ZBTB40: variants seen among roughly 807,000 people sequenced by gnomAD.
ZBTB40 encodes zinc finger and BTB domain-containing protein 40.
ZBTB40 carries 60 observed loss-of-function variants against 117.5 expected under a neutral mutation model. The observed-to-expected ratio is 0.51, with a 90% CI of 0.41 to 0.63. The LOEUF (loss-of-function observed/expected upper bound fraction) is 0.63. ZBTB40 is among the 30% of genes least tolerant of loss of function. ZBTB40 has a pLI of 0.00. For missense variants in ZBTB40, 1,287 were observed against 1,498.5 expected (o/e 0.86, Z 2.33); for synonymous variants, 525 against 577.1 (o/e 0.91, Z 1.29).
In ZBTB40 at chr1:22,530,773, CA is replaced by C. The variant is rs1323414376; in HGVS notation, c.*4378del. ...GTTCTGGGCCAGTGTCAGACGGGGA[CA>C]GGGGTGATAGGCCTGGTGTCCTAGG... On this transcript the variant is annotated 3_prime_UTR_variant, in exon 18 of 18. Transcript: ENST00000375647. 1 of 152,268 alleles carries C rather than the reference CA, an allele frequency of 6.6e-6. No homozygotes were observed. Among genetic ancestry groups the C allele is most frequent in the Admixed American group, 6.5e-5 (1 of 15,284 alleles). 9.4% of individuals were successfully genotyped at this position (152,268 alleles called of 1,614,324 possible).
chr1:22,462,238 C>T lies in ZBTB40; in HGVS notation c.-70+10234C>T, dbSNP rs1023820947. Reference sequence around the variant, plus strand: ...AGTTTGGGCAGTATCACTCAGTGGTCAAAGTTTCGGCTCTAGAGTCAGACA... The same window carrying T: ...AGTTTGGGCAGTATCACTCAGTGGTTAAAGTTTCGGCTCTAGAGTCAGACA... On this transcript the variant is annotated intron_variant, in intron 1 of 17. Coordinates refer to ENST00000375647, the MANE Select transcript of ZBTB40 (RefSeq NM_014870.4). Among the ~76,000 whole-genome samples, 25 of 152,320 alleles carry T rather than the reference C, an allele frequency of 1.6e-4. 1 individual carries two copies. In the South Asian group the frequency reaches 2.7e-3, roughly 16 times the overall value.
rs766539288 is a variant in ZBTB40 at position 22,489,912 on chromosome 1, G to C, written c.-37G>C. On this transcript the variant is annotated 5_prime_UTR_variant, in exon 2 of 18. Coordinates refer to ENST00000375647, the MANE Select transcript of ZBTB40 (RefSeq NM_014870.4). ...CCTCCCAAAGCCAACTCTAAGGAGA[G>C]GAGAGGAAGAGCAGTTCTTGGGGCA... 2.1e-4 allele frequency: 335 copies of C among 1,597,198 alleles called. 1 individual carries two copies. The highest frequency in any genetic ancestry group is 1.6e-3 in the Admixed American group (96 of 59,978).
In ZBTB40 at chr1:22,526,382, G is replaced by A. The variant is rs765970373; in HGVS notation, c.3706G>A (p.Gly1236Ser). The change falls in exon 18 of 18, where the codon GGT (glycine) becomes AGT (serine). Residue 1236 changes from glycine to serine, a missense_variant. By Grantham distance (56) the Gly-to-Ser change is moderately conservative (BLOSUM62 0). Transcript: ENST00000375647. ...LLDGTVTLICGEAK is the reference protein window; with the variant it reads ...LLDGTVTLICSEAK ...GGATGGCACAGTGACGCTGATCTGTGGTGAGGCCAAATGAGCAGCCTTTCA... is the reference window on the plus strand; with the variant it reads ...GGATGGCACAGTGACGCTGATCTGTAGTGAGGCCAAATGAGCAGCCTTTCA... 4.3e-6 allele frequency: 7 copies of A among 1,614,020 alleles called. No individual in the cohort carries two copies. Among genetic ancestry groups the A allele is most frequent in the Admixed American group, 1.7e-5 (1 of 60,014 alleles).
Position 22,522,828 on chromosome 1 carries a change from C to T in ZBTB40, c.3298+365C>T, listed in dbSNP as rs969495462. Among the ~76,000 whole-genome samples, 7 of 150,400 alleles carry T rather than the reference C, an allele frequency of 4.7e-5. No individual in the cohort carries two copies. In the East Asian group the frequency reaches 7.8e-4, roughly 17 times the overall value. On this transcript the variant is annotated intron_variant, in intron 16 of 17. Coordinates refer to ENST00000375647, the MANE Select transcript of ZBTB40 (RefSeq NM_014870.4). ...TCACCCAGCCTGGAGTGCAGTGGTG[C>T]GATCTCAGATCACTGCAACCTCCAT...
chr1:22,483,409 G>A (rs753145683), intron 1 of ZBTB40, among the ~76,000 whole-genome samples: 5 of 152,100 alleles, frequency 3.3e-5, no homozygotes, highest in African/African-American at 9.7e-5. Context: ...CATTCCCACC[G>A]GCATTGAATG....
chr1:22,455,801 C>A (rs556628765), intron 1 of ZBTB40, among the ~76,000 whole-genome samples: 55 of 151,936 alleles, frequency 3.6e-4, no homozygotes, highest in African/African-American at 1.3e-3. Context: ...GCAACACTCA[C>A]CTGCTTTTGG....
intron 4 of ZBTB40, 121 bp downstream of exon 4, chr1:22,501,805 C>T (rs1638945643): frequency 8.8e-7 from 1 of 1,130,752 alleles, no homozygotes; most frequent in Non-Finnish European, 1.3e-6. Flanking sequence ...ACATAAGTTT[C>T]ACATGTAAAT....
Position 22,513,094 on chromosome 1 carries a change from G to A in ZBTB40, c.2632G>A (p.Ala878Thr), listed in dbSNP as rs1245988049. 6.2e-7 allele frequency: 1 copy of A among 1,614,044 alleles called. No homozygotes were observed. The highest frequency in any genetic ancestry group is 2.2e-5 in the East Asian group (1 of 44,862). Residue 878 changes from alanine (A) to threonine (T), a missense_variant, in exon 12 of 18, where the codon GCC (alanine) becomes ACC (threonine). Transcript: ENST00000375647. This position sits in a 1 kb window ranked among gnomAD's most constrained non-coding sequence, Gnocchi z 4.9. ...CCTCATGACCTTCACCCAGGCCTCC[G>A]CCCTGGCCTATCACACCAAGAAGAA... Reference protein sequence around the residue: ...HCLMTFTQASALAYHTKKKHS... With the variant: ...HCLMTFTQASTLAYHTKKKHS...
intron 1 of ZBTB40, among the ~76,000 whole-genome samples, chr1:22,460,178 A>G (rs979896576): frequency 3.3e-5 from 5 of 152,166 alleles, no homozygotes; most frequent in African/African-American, 1.2e-4. Flanking sequence ...CAGTTCAGTC[A>G]GAACATATTT....
At chr1:22,468,374 A>C (rs1034679278) in intron 1 of ZBTB40, among the ~76,000 whole-genome samples, 1 of 150,602 alleles carries the variant, frequency 6.6e-6, no homozygotes, top group Non-Finnish European at 1.5e-5. Flanking sequence ...TTAATTATTC[A>C]CCAGGCTGAA....
chr1:22,466,660 A>G (rs1248727012), intron 1 of ZBTB40, among the ~76,000 whole-genome samples: 3 of 151,962 alleles, frequency 2.0e-5, no homozygotes, highest in African/African-American at 4.8e-5. Context: ...ACATCTGTTC[A>G]TGTACTTACT....
chr1:22,484,740 T>C (rs916767340), intron 1 of ZBTB40, among the ~76,000 whole-genome samples: 2 of 152,228 alleles, frequency 1.3e-5, no homozygotes, highest in Non-Finnish European at 2.9e-5. Context: ...AGGAAGACTT[T>C]GAGTTTCTCA....
chr1:22,524,532 A>AG, intron 17 of ZBTB40, 88 bp downstream of exon 17: 2 of 1,396,094 alleles, frequency 1.4e-6, no homozygotes, highest in Non-Finnish European at 2.0e-6. Context: ...GTACCCAGAG[A>AG]TACTCTTTGG....
chr1:22,459,602 A>G (rs181090378), intron 1 of ZBTB40, among the ~76,000 whole-genome samples: 2 of 152,348 alleles, frequency 1.3e-5, no homozygotes, highest in South Asian at 2.1e-4. Context: ...TCTTAATTTT[A>G]GAGGCTTTAT....
Position 22,506,283 on chromosome 1 carries a change from C to A in ZBTB40, c.1360+42C>A, listed in dbSNP as rs746437447. Reference sequence around the variant, plus strand: ...GACTCTCTGGACTGGAACCACTCTTCCAGAAAATTGTAGCTTGAAACACCC... The same window carrying A: ...GACTCTCTGGACTGGAACCACTCTTACAGAAAATTGTAGCTTGAAACACCC... On this transcript the variant is annotated intron_variant, in intron 6 of 17. Coordinates refer to ENST00000375647, the MANE Select transcript of ZBTB40 (RefSeq NM_014870.4). 3 of 1,605,922 alleles carry A rather than the reference C, an allele frequency of 1.9e-6. No homozygotes were observed. In the African/African-American group the frequency reaches 4.0e-5, roughly 21 times the overall value.
chr1:22,486,529 C>T (rs1383092815), intron 1 of ZBTB40, among the ~76,000 whole-genome samples: 3 of 152,270 alleles, frequency 2.0e-5, no homozygotes, highest in South Asian at 2.1e-4. Flanking sequence ...CTTCACTATT[C>T]GTTGTGAGGA....
chr1:22,489,776 TG>T, intron 1 of ZBTB40, 103 bp from the exon 2 acceptor site: 1 of 683,046 alleles, frequency 1.5e-6, no homozygotes, highest in Non-Finnish European at 2.6e-6. Context: ...CAATATTTGT[TG>T]GATGAATGAG....
At chr1:22,450,984 G>A (rs1475167947), upstream of ZBTB40, among the ~76,000 whole-genome samples, 2 of 152,214 alleles carry the variant, frequency 1.3e-5, no homozygotes, top group Non-Finnish European at 2.9e-5. Flanking sequence ...GACTCAGTTT[G>A]TTACTGCTGG....
intron 1 of ZBTB40, among the ~76,000 whole-genome samples, chr1:22,479,325 A>G (rs915132197): frequency 2.6e-5 from 4 of 152,072 alleles, no homozygotes; most frequent in African/African-American, 7.2e-5. Context: ...TTTTCTTAGC[A>G]TATTTATCCC....
Sources: gnomAD v4.1 joint callset for allele counts (sites outside exome capture counted in the v4.1 genomes callset) on GRCh38, gnomAD v4.1.1 for gene constraint, Gnocchi (gnomAD v3.1) non-coding constraint, MANE v1.5 for transcripts, NCBI Gene and HGNC (gene_info 2026-07-23, HGNC 2026-07-21) for gene names.